The following ANO1 variants were observed in gnomAD, a reference collection of about 807,000 sequenced individuals.
ANO1 encodes anoctamin-1.
A neutral mutation model predicts 124.0 loss-of-function variants in ANO1; 59 were observed. The observed-to-expected ratio is 0.48, with a 90% CI of 0.39 to 0.59. The LOEUF (loss-of-function observed/expected upper bound fraction) is 0.59. Among genes scored for constraint, ANO1 ranks in the 20% least tolerant of loss-of-function variants. The pLI is 0.00. For missense variants in ANO1, 1,059 were observed against 1,328.0 expected (o/e 0.80, Z 3.15); for synonymous variants, 529 against 532.0 (o/e 0.99, Z 0.08).
chr11:70,055,586 A>G (rs1422311006), intron 1 of ANO1, among the ~76,000 whole-genome samples: 2 of 152,038 alleles, frequency 1.3e-5, no homozygotes, highest in African/African-American at 4.8e-5. Context: ...TCTTCTGTAT[A>G]TAGTATATAG....
chr11:70,183,489 G>A (rs1394544243), intron 24 of ANO1, among the ~76,000 whole-genome samples: 2 of 152,200 alleles, frequency 1.3e-5, no homozygotes, highest in African/African-American at 2.4e-5. Context: ...TGGGTCATGT[G>A]CCAGGGTGTG....
At chr11:70,045,949 C>G (rs1857254106) in intron 1 of ANO1, among the ~76,000 whole-genome samples, 2 of 152,232 alleles carry the variant, frequency 1.3e-5, no homozygotes, top group Non-Finnish European at 2.9e-5. Flanking sequence ...CTCTGGACAT[C>G]TAACTCATGT....
intron 1 of ANO1, chr11:70,085,609 C>T (rs1384879381): frequency 6.5e-7 from 1 of 1,535,124 alleles, no homozygotes; most frequent in Non-Finnish European, 8.7e-7. Context: ...GGGACATGGC[C>T]CCAACTGTCC....
At chr11:70,187,312 T>C (rs2049172318) in intron 25 of ANO1, among the ~76,000 whole-genome samples, 1 of 152,220 alleles carries the variant, frequency 6.6e-6, no homozygotes, top group Admixed American at 6.5e-5. Context: ...ACCAGAAATG[T>C]CTCCGTGGAG....
chr11:70,107,081 T>A (rs1322766358), intron 5 of ANO1, among the ~76,000 whole-genome samples: 2 of 152,036 alleles, frequency 1.3e-5, no homozygotes, highest in African/African-American at 4.8e-5. Context: ...CATAACTGCA[T>A]GTGGAAGGGA....
At chr11:70,140,537 A>G (rs554404913) in intron 11 of ANO1, among the ~76,000 whole-genome samples, 27 of 151,252 alleles carry the variant, frequency 1.8e-4, no homozygotes, top group African/African-American at 6.1e-4. Flanking sequence ...GTCTCAAGGA[A>G]AAAAAAAAGA....
the ANO1 span, among the ~76,000 whole-genome samples, chr11:69,966,692 G>A: frequency 0.046 from 7,064 of 152,258 alleles, 220 homozygotes; most frequent in East Asian, 0.14. Context: ...GGGACAAGGA[G>A]AGCATCACTT....
rs190645401 is a variant in ANO1 at position 70,187,491 on chromosome 11, A to G, written c.2695-247A>G. Reference sequence around the variant, plus strand: ...TGAGTCTCCTGATCAAAGAATTCAGAATGACTCAGATGATTTTCCCAATTA... The same window carrying G: ...TGAGTCTCCTGATCAAAGAATTCAGGATGACTCAGATGATTTTCCCAATTA... On this transcript the variant is annotated intron_variant, in intron 25 of 25. Transcript: ENST00000355303. Among the ~76,000 whole-genome samples, 403 of 152,328 alleles carry G rather than the reference A, an allele frequency of 2.6e-3. 1 individual carries two copies. The highest frequency in any genetic ancestry group is 9.4e-3 in the African/African-American group (392 of 41,568).
At chr11:69,990,772 G>T (rs1856138521) in intron 1 of ANO1, among the ~76,000 whole-genome samples, 1 of 152,136 alleles carries the variant, frequency 6.6e-6, no homozygotes, top group African/African-American at 2.4e-5. Context: ...CTTCTTTGGA[G>T]AAATATCTAC....
At chr11:70,157,524 G>A (rs572279419) in intron 16 of ANO1, among the ~76,000 whole-genome samples, 2 of 152,172 alleles carry the variant, frequency 1.3e-5, no homozygotes, top group South Asian at 2.1e-4. Flanking sequence ...AAGAGACCAG[G>A]GTTCCAAAGT....
chr11:70,089,704 G>T (rs140023755), intron 2 of ANO1, among the ~76,000 whole-genome samples: 59 of 152,284 alleles, frequency 3.9e-4, no homozygotes, highest in African/African-American at 1.3e-3. Context: ...CCTGCCTTTG[G>T]GGGCAGCTGC....
At chr11:70,034,664 G>T (rs1480258181) in intron 1 of ANO1, among the ~76,000 whole-genome samples, 2 of 152,254 alleles carry the variant, frequency 1.3e-5, no homozygotes, top group Middle Eastern at 3.4e-3. Flanking sequence ...CATATACAGA[G>T]GATATAGGCA....
At chr11:70,075,847 AC>A (rs2044050252), upstream of ANO1, among the ~76,000 whole-genome samples, 1 of 152,212 alleles carries the variant, frequency 6.6e-6, no homozygotes, top group Non-Finnish European at 1.5e-5. Context: ...CATCTATGGA[AC>A]AAAAAGGACC....
At chr11:70,103,398 A>G (rs2045357282) in intron 3 of ANO1, among the ~76,000 whole-genome samples, 4 of 152,204 alleles carry the variant, frequency 2.6e-5, no homozygotes, top group Admixed American at 2.6e-4. Context: ...GAGACCCCAG[A>G]CCAAACCCCA....
At chr11:70,152,485 C>A in intron 13 of ANO1, 24 bp downstream of exon 13, 4 of 1,611,384 alleles carry the variant, frequency 2.5e-6, no homozygotes, top group Non-Finnish European at 3.4e-6. Context: ...TGTCGCTCCT[C>A]TATCTTCCCA....
chr11:70,161,954 G>GGGACCCCAGGCAGTGA (rs2048060352), intron 18 of ANO1, among the ~76,000 whole-genome samples: 1 of 151,840 alleles, frequency 6.6e-6, no homozygotes, highest in Non-Finnish European at 1.5e-5. Flanking sequence ...CCAGGCAGTG[G>GGGACCCCAGGCAGTGA]GGACCCCAGG....
intron 4 of ANO1, 79 bp downstream of exon 4, chr11:70,104,229 T>C: frequency 7.0e-7 from 1 of 1,437,956 alleles, no homozygotes; most frequent in South Asian, 1.4e-5. Flanking sequence ...AAATGCAGAT[T>C]GATTATCTGT....
the ANO1 span, among the ~76,000 whole-genome samples, chr11:69,980,128 G>A: frequency 3.4e-3 from 516 of 152,270 alleles, 5 homozygotes; most frequent in Middle Eastern, 0.027. Flanking sequence ...TACAACATGG[G>A]TGAACCTTGA....
chr11:69,980,712 T>C, the ANO1 span, among the ~76,000 whole-genome samples: 1 of 151,936 alleles, frequency 6.6e-6, no homozygotes, highest in African/African-American at 2.4e-5. Flanking sequence ...CACTTAAAAA[T>C]GGTGAAAATG....
Sources: gnomAD v4.1 joint callset for allele counts (sites outside exome capture counted in the v4.1 genomes callset) on GRCh38, gnomAD v4.1.1 for gene constraint, MANE v1.5 for transcripts, NCBI Gene and HGNC (gene_info 2026-07-23, HGNC 2026-07-21) for gene names.